SLC25A36: variants seen among roughly 807,000 people sequenced by gnomAD.
SLC25A36 encodes epididymis secretory sperm binding protein.
Under a neutral mutation model 35.3 loss-of-function variants are expected in SLC25A36, and 24 were observed. The ratio of observed to expected loss-of-function variants is 0.68; its 90% CI spans 0.49 to 0.96. The LOEUF (loss-of-function observed/expected upper bound fraction) is 0.96. SLC25A36 is among the 40% of genes least tolerant of loss of function. SLC25A36 has a pLI of 0.00. For synonymous variants in SLC25A36, 141 were observed against 132.2 expected (o/e 1.07, Z -0.46); for missense variants, 294 against 381.1 (o/e 0.77, Z 1.90).
intron 4 of SLC25A36, chr3:140,963,856 A>G (rs1934694306): frequency 6.6e-6 from 1 of 152,018 alleles, no homozygotes; most frequent in South Asian, 2.1e-4. Flanking sequence ...TGATAAGTAT[A>G]TATGATTCTG....
rs1387872604 is a variant in SLC25A36 at position 140,980,432 on chromosome 3, G to A, written c.*3979G>A. ...CATTGTCCAGTCTTGAGGAAACCAG[G>A]ACGAAATATATTTTGTATTTCAACA... On this transcript the variant is annotated 3_prime_UTR_variant, in exon 7 of 7. Coordinates refer to ENST00000324194, the MANE Select transcript of SLC25A36 (RefSeq NM_001104647.3). 1.4e-5 allele frequency among the ~76,000 whole-genome samples: 2 copies of A among 142,220 alleles called. No individual in the cohort carries two copies. The highest frequency in any genetic ancestry group is 3.1e-5 in the Non-Finnish European group (2 of 64,700). The allele number at this position is 142,220 out of a possible 152,430, so 93.3% of individuals were successfully genotyped here. A position where few individuals can be genotyped will look rare whatever the true frequency, so the allele number is the denominator to read the frequency against.
intron 6 of SLC25A36, among the ~76,000 whole-genome samples, chr3:140,974,582 A>T (rs1934988269): frequency 6.6e-6 from 1 of 152,132 alleles, no homozygotes; most frequent in Admixed American, 6.6e-5. Context: ...TTATTTCTGT[A>T]TTTAAATTTT....
In SLC25A36 at chr3:140,973,720, C is replaced by G; in HGVS notation, c.457C>G (p.Arg153Gly). 1 of 1,461,158 alleles carries G rather than the reference C, an allele frequency of 6.8e-7. No individual in the cohort carries two copies. The highest frequency in any genetic ancestry group is 9.1e-7 in the Non-Finnish European group (1 of 1,096,182). 90.5% of individuals were successfully genotyped at this position (1,461,158 alleles called of 1,614,324 possible). ...ATGTTTCTTTTTGCTTTTCAGGAAC[C>G]GCGGGGAAAGGCGAATGGGTGCTTT... is the stretch of plus-strand genomic sequence containing the variant. ...KTRLQLDARN[R>G]GERRMGAFEC... The change falls in exon 6 of 7, where the codon CGC becomes GGC. Residue 153 changes from arginine to glycine, a missense_variant. Transcript: ENST00000324194.
At chr3:140,971,680 A>G (rs1251843278) in intron 5 of SLC25A36, among the ~76,000 whole-genome samples, 1 of 152,136 alleles carries the variant, frequency 6.6e-6, no homozygotes, top group African/African-American at 2.4e-5. Flanking sequence ...GAGTAGGCCA[A>G]AAGCAGTGCT....
intron 1 of SLC25A36, among the ~76,000 whole-genome samples, chr3:140,949,305 C>T (rs915641245): frequency 1.3e-5 from 2 of 152,172 alleles, no homozygotes; most frequent in African/African-American, 2.4e-5. Context: ...TTATTAGCAT[C>T]TGCAGTATTA....
chr3:140,956,832 G>A (rs1446142922), intron 2 of SLC25A36, 141 bp downstream of exon 2: 3 of 1,304,632 alleles, frequency 2.3e-6, no homozygotes, highest in Non-Finnish European at 2.0e-6. Flanking sequence ...GTACTCATAA[G>A]GAATGATAAT....
chr3:140,952,514 T>C (rs1934354949), intron 1 of SLC25A36, among the ~76,000 whole-genome samples: 1 of 152,234 alleles, frequency 6.6e-6, no homozygotes, highest in African/African-American at 2.4e-5. Flanking sequence ...CCTTGTCTGT[T>C]GGTCTGGCCA....
chr3:140,941,914 T>C lies in SLC25A36; in HGVS notation c.-141T>C. 5.7e-6 allele frequency: 3 copies of C among 525,750 alleles called. No homozygotes were observed. The highest frequency in any genetic ancestry group is 6.7e-6 in the Non-Finnish European group (2 of 298,376). The allele number at this position is 525,750 out of a possible 1,614,324, so 32.6% of individuals were successfully genotyped here. A position where few individuals can be genotyped will look rare whatever the true frequency, so the allele number is the denominator to read the frequency against. On this transcript the variant is annotated 5_prime_UTR_variant, in exon 1 of 7. Coordinates refer to ENST00000324194, the MANE Select transcript of SLC25A36 (RefSeq NM_001104647.3). ...CGCGGGGAGGGCTGTGCCGGTTGCT[T>C]TCTGCAGCCGCATCTCGGCCAGCTC...
rs1429616372 is a variant in SLC25A36, at chr3:140,976,907, T to C, written c.*454T>C. 2 of 152,428 alleles carry C rather than the reference T, an allele frequency of 1.3e-5. No homozygotes were observed. Among genetic ancestry groups the C allele is most frequent in the Non-Finnish European group, 2.9e-5 (2 of 68,184 alleles). 9.4% of individuals were successfully genotyped at this position (152,428 alleles called of 1,614,324 possible). A position where few individuals can be genotyped will look rare whatever the true frequency, so the allele number is the denominator to read the frequency against. On this transcript the variant is annotated 3_prime_UTR_variant, in exon 7 of 7. Transcript: ENST00000324194. Reference sequence around the variant, plus strand: ...TGAGATCGTCAGTATTATTTTCACATTTCCCTGAGAGGACCTGGCACAATA... The same window carrying C: ...TGAGATCGTCAGTATTATTTTCACACTTCCCTGAGAGGACCTGGCACAATA...
chr3:140,974,947 A>T (rs1262427116), intron 6 of SLC25A36, among the ~76,000 whole-genome samples: 2 of 152,076 alleles, frequency 1.3e-5, no homozygotes, highest in African/African-American at 4.8e-5. Flanking sequence ...CAGTATCAGC[A>T]ATATTGTTTA....
intron 3 of SLC25A36, among the ~76,000 whole-genome samples, chr3:140,961,712 C>T (rs1049986873): frequency 6.9e-4 from 104 of 151,610 alleles, no homozygotes; most frequent in African/African-American, 2.4e-3. Context: ...AAAAATTAGC[C>T]GGGTGTGGTG....
chr3:140,953,398 G>A (rs988790950), intron 1 of SLC25A36, among the ~76,000 whole-genome samples: 1 of 145,378 alleles, frequency 6.9e-6, no homozygotes, highest in African/African-American at 2.6e-5. Context: ...ACATTTTTTG[G>A]GGGGGGGGTT....
rs1245053220 is a variant in SLC25A36, at chr3:140,944,509, A to C, written c.41+2414A>C. The stretch of plus-strand genomic sequence containing the variant: ...GTAAATGTGATTTAATTTTAGCTGT[A>C]CCTCTAATGTATGTATATAGAGATG... On this transcript the variant is annotated intron_variant, in intron 1 of 6. Coordinates refer to ENST00000324194, the MANE Select transcript of SLC25A36 (RefSeq NM_001104647.3). Among the ~76,000 whole-genome samples the C allele has an allele frequency of 2.0e-5, 3 of 152,228 alleles. No individual in the cohort carries two copies. The East Asian group carries it at 5.8e-4, about 29-fold the overall frequency.
intron 2 of SLC25A36, chr3:140,956,907 AT>A: frequency 1.4e-6 from 1 of 728,154 alleles, no homozygotes; most frequent in Non-Finnish European, 1.9e-6. Flanking sequence ...AATCATGTGT[AT>A]TTAGAATATT....
At chr3:140,962,732 TATTC>T (rs1255207932) in intron 3 of SLC25A36, among the ~76,000 whole-genome samples, 1 of 152,132 alleles carries the variant, frequency 6.6e-6, no homozygotes, top group Non-Finnish European at 1.5e-5. Context: ...CTTACAGCCT[TATTC>T]ATTCATTTAG....
rs979919044 is a variant in SLC25A36, at chr3:140,956,731, G to A, written c.206+40G>A. ...TTCAGGAGTGTTTTTTAGTTTGTTTGCGTTAGTGAGTTCCAGATGTTTGTT... is the reference window on the plus strand; with the variant it reads ...TTCAGGAGTGTTTTTTAGTTTGTTTACGTTAGTGAGTTCCAGATGTTTGTT... On this transcript the variant is annotated intron_variant, in intron 2 of 6. Coordinates refer to ENST00000324194, the MANE Select transcript of SLC25A36 (RefSeq NM_001104647.3). 3.9e-6 allele frequency: 6 copies of A among 1,530,294 alleles called. No homozygotes were observed. The African/African-American group carries it at 8.4e-5, about 21-fold the overall frequency. 94.8% of individuals were successfully genotyped at this position (1,530,294 alleles called of 1,614,324 possible). A position where few individuals can be genotyped will look rare whatever the true frequency, so the allele number is the denominator to read the frequency against.
chr3:140,943,445 G>T (rs991266357), intron 1 of SLC25A36, among the ~76,000 whole-genome samples: 1 of 152,202 alleles, frequency 6.6e-6, no homozygotes, highest in African/African-American at 2.4e-5. Flanking sequence ...GTGAGACCCA[G>T]TTTAGGCAGT....
intron 1 of SLC25A36, among the ~76,000 whole-genome samples, chr3:140,953,467 T>C (rs1269147484): frequency 6.6e-6 from 1 of 152,134 alleles, no homozygotes; most frequent in Non-Finnish European, 1.5e-5. Context: ...GTGTTAAGCT[T>C]ATTTATGATT....
chr3:140,954,176 T>C (rs903409480), intron 1 of SLC25A36, among the ~76,000 whole-genome samples: 7 of 152,314 alleles, frequency 4.6e-5, no homozygotes, highest in African/African-American at 1.7e-4. Flanking sequence ...AATAAAAGCC[T>C]TTTGTGCTTA....
Sources: gnomAD v4.1 joint callset for allele counts (sites outside exome capture counted in the v4.1 genomes callset) on GRCh38, gnomAD v4.1.1 for gene constraint, MANE v1.5 for transcripts, NCBI Gene and HGNC (gene_info 2026-07-23, HGNC 2026-07-21) for gene names.